The following RBFOX3 variants were observed in gnomAD, a reference collection of about 807,000 sequenced individuals.
RBFOX3 encodes RNA binding fox-1 homolog 3, also known as RNA binding protein fox-1 homolog 3.
A neutral mutation model predicts 48.7 loss-of-function variants in RBFOX3; 17 were observed. The ratio of observed to expected loss-of-function variants is 0.35; its 90% confidence interval spans 0.24 to 0.52. RBFOX3 has a LOEUF of 0.52. Among genes scored for constraint, RBFOX3 ranks in the 20% least tolerant of loss-of-function variants. The pLI is 0.94. For missense variants in RBFOX3, 382 were observed against 497.5 expected (o/e 0.77, Z 2.21); for synonymous variants, 212 against 209.5 (o/e 1.01, Z -0.10).
intron 1 of RBFOX3, among the ~76,000 whole-genome samples, chr17:79,610,341 G>T (rs916771339): frequency 6.6e-6 from 1 of 151,962 alleles, no homozygotes; most frequent in Admixed American, 6.5e-5. Flanking sequence ...ACCCGCGCGG[G>T]CTCCGGCTGC....
intron 4 of RBFOX3, among the ~76,000 whole-genome samples, chr17:79,172,173 C>CAA (rs977301314): frequency 4.5e-3 from 228 of 50,682 alleles, no homozygotes; most frequent in Middle Eastern, 0.018. Flanking sequence ...GAGTCCGTCT[C>CAA]AAAAAAAAAA....
intron 4 of RBFOX3, among the ~76,000 whole-genome samples, chr17:79,181,962 AACAC>A (rs56842759): frequency 0.024 from 3,486 of 148,270 alleles, 99 homozygotes; most frequent in African/African-American, 0.065. Context: ...GTCTCCAAGA[AACAC>A]ACACACACAC....
At chr17:79,561,835 T>C (rs1027920696) in intron 1 of RBFOX3, among the ~76,000 whole-genome samples, 1 of 152,208 alleles carries the variant, frequency 6.6e-6, no homozygotes, top group South Asian at 2.1e-4. Context: ...CGTCCACACC[T>C]GTGTCTGGTG....
intron 4 of RBFOX3, among the ~76,000 whole-genome samples, chr17:79,121,498 G>A (rs953366897): frequency 2.0e-5 from 3 of 152,242 alleles, no homozygotes; most frequent in Admixed American, 1.3e-4. Flanking sequence ...CTCCAAGCCA[G>A]TGTTCCGAGG....
intron 1 of RBFOX3, among the ~76,000 whole-genome samples, chr17:79,483,438 GCCTC>G (rs1598889156): frequency 3.9e-5 from 5 of 127,748 alleles, no homozygotes; most frequent in Non-Finnish European, 6.8e-5. Flanking sequence ...ACAATTGCAG[GCCTC>G]CCTCCCTCCC....
chr17:79,240,503 T>C (rs933710258), intron 3 of RBFOX3, among the ~76,000 whole-genome samples: 1 of 152,192 alleles, frequency 6.6e-6, no homozygotes, highest in Non-Finnish European at 1.5e-5. Flanking sequence ...GCAGTGGCCA[T>C]CATGTCTCTT....
At chr17:79,217,560 G>C (rs2147303111) in intron 4 of RBFOX3, among the ~76,000 whole-genome samples, 1 of 152,316 alleles carries the variant, frequency 6.6e-6, no homozygotes, top group Non-Finnish European at 1.5e-5. Context: ...GCAGGCAGAG[G>C]GGAGATGGAG....
intron 1 of RBFOX3, among the ~76,000 whole-genome samples, chr17:79,494,567 C>T (rs1021540259): frequency 6.6e-5 from 10 of 152,224 alleles, no homozygotes; most frequent in Non-Finnish European, 1.5e-5. Context: ...GCACTGTGGA[C>T]ACAGGGAGGG....
Position 79,442,411 on chromosome 17 carries a change from CAGAG to C in RBFOX3, c.-175+40039_-175+40042del, listed in dbSNP as rs112425237. 2.2e-3 allele frequency among the ~76,000 whole-genome samples: 171 copies of C among 78,914 alleles called. 5 individuals are homozygous for C. The highest frequency in any genetic ancestry group is 8.4e-3 in the African/African-American group (159 of 18,878). The allele number at this position is 78,914 out of a possible 152,430, so 51.8% of individuals were successfully genotyped here. On this transcript the variant is annotated intron_variant, in intron 2 of 14. Coordinates refer to ENST00000693108, the MANE Select transcript of RBFOX3 (RefSeq NM_001350451.2). ...AGAGAGAGAGAGAGAGAAAGAGAGA[CAGAG>C]AGAGAGAGAGAGACACCAAGCAGGG...
At chr17:79,349,949 C>T (rs1426967890) in intron 2 of RBFOX3, among the ~76,000 whole-genome samples, 2 of 152,162 alleles carry the variant, frequency 1.3e-5, no homozygotes, top group Admixed American at 6.5e-5. Context: ...CAGTTGGGTG[C>T]CCTCTGCTCC....
At chr17:79,369,743 G>A (rs1006814035) in intron 2 of RBFOX3, among the ~76,000 whole-genome samples, 2 of 152,198 alleles carry the variant, frequency 1.3e-5, no homozygotes, top group East Asian at 1.9e-4. Flanking sequence ...GCAGCTCCTG[G>A]TGCCACCCCA....
In RBFOX3 at chr17:79,607,517, A is replaced by G. The variant is rs1010009338; in HGVS notation, c.-320+3309T>C. 1.3e-3 allele frequency among the ~76,000 whole-genome samples: 191 copies of G among 151,646 alleles called. 1 individual carries two copies. Among genetic ancestry groups the G allele is most frequent in the African/African-American group, 3.7e-3 (154 of 41,298 alleles). ...TGTTTTCCTCTCTTTACTGCCCCCC[A>G]CCCCCTACCACCACCACTCTGGCGC... On this transcript the variant is annotated intron_variant, in intron 1 of 14. Transcript: ENST00000693108.
intron 4 of RBFOX3, among the ~76,000 whole-genome samples, chr17:79,170,710 CCCT>C: frequency 6.6e-6 from 1 of 152,264 alleles, no homozygotes; most frequent in African/African-American, 2.4e-5. Context: ...GCTTTCTGGC[CCCT>C]CCTTTTCTAT....
intron 1 of RBFOX3, among the ~76,000 whole-genome samples, chr17:79,508,233 T>C (rs1309500285): frequency 6.6e-6 from 1 of 152,000 alleles, no homozygotes; most frequent in African/African-American, 2.4e-5. Context: ...GCAGGTGCCA[T>C]GGAGGCCAGC....
chr17:79,138,559 C>A (rs1473416827), intron 4 of RBFOX3, among the ~76,000 whole-genome samples: 1 of 152,108 alleles, frequency 6.6e-6, no homozygotes, highest in African/African-American at 2.4e-5. Flanking sequence ...TGAGCACACA[C>A]AACCAAAACA....
At chr17:79,522,020 A>G (rs2150001082) in intron 1 of RBFOX3, among the ~76,000 whole-genome samples, 1 of 152,266 alleles carries the variant, frequency 6.6e-6, no homozygotes, top group East Asian at 1.9e-4. Flanking sequence ...TGACAGGCTG[A>G]CCTTCACCCG....
intron 1 of RBFOX3, among the ~76,000 whole-genome samples, chr17:79,561,190 C>T (rs2092189746): frequency 6.6e-6 from 1 of 152,126 alleles, no homozygotes; most frequent in African/African-American, 2.4e-5. Flanking sequence ...TGCAAAGGGT[C>T]CTTTTGCCAT....
chr17:79,158,311 T>C (rs1490313474), intron 4 of RBFOX3, among the ~76,000 whole-genome samples: 3 of 152,186 alleles, frequency 2.0e-5, no homozygotes, highest in Non-Finnish European at 4.4e-5. Flanking sequence ...GGCTACTTAC[T>C]AGTCGGCTGG....
At chr17:79,150,763 C>A (rs2044240467) in intron 4 of RBFOX3, among the ~76,000 whole-genome samples, 1 of 152,188 alleles carries the variant, frequency 6.6e-6, no homozygotes, top group Admixed American at 6.5e-5. Flanking sequence ...ATGGGCACTT[C>A]CGAGAAAAGA....
Sources: gnomAD v4.1 joint callset for allele counts (sites outside exome capture counted in the v4.1 genomes callset) on GRCh38, gnomAD v4.1.1 for gene constraint, MANE v1.5 for transcripts, NCBI Gene and HGNC (gene_info 2026-07-23, HGNC 2026-07-21) for gene names.